GALNT13: variants seen among roughly 807,000 people sequenced by gnomAD.
GALNT13 encodes polypeptide N-acetylgalactosaminyltransferase 13, also known as UDP-GalNAc:polypeptide N-acetylgalactosaminyltransferase 13.
Under a neutral mutation model 64.2 loss-of-function variants are expected in GALNT13, and 28 were observed. The ratio of observed to expected loss-of-function variants is 0.44; its 90% CI spans 0.32 to 0.60. The LOEUF is 0.60. Ranked by LOEUF, GALNT13 falls within the 20% of genes least tolerant of loss-of-function variation. The probability of loss-of-function intolerance (pLI) is 0.05; values close to 1 mark genes in which losing one functional copy is unlikely to be tolerated. For missense variants in GALNT13, 577 were observed against 669.8 expected, an observed-to-expected ratio of 0.86 and a Z score of 1.53; for synonymous variants, 214 against 224.6, an observed-to-expected ratio of 0.95 and a Z score of 0.42.
the GALNT13 span, among the ~76,000 whole-genome samples, chr2:153,424,284 AAAG>A: frequency 6.6e-6 from 1 of 151,496 alleles, no homozygotes; most frequent in Non-Finnish European, 1.5e-5. Flanking sequence ...TAGGAGAAAA[AAAG>A]ATAATATTTA....
At chr2:153,239,880 T>C in the GALNT13 span, among the ~76,000 whole-genome samples, 1 of 152,170 alleles carries the variant, frequency 6.6e-6, no homozygotes, top group South Asian at 2.1e-4. Context: ...TCAGAATAGT[T>C]TGAGTAGTTT....
chr2:154,390,552 C>T (rs1698740691), intron 9 of GALNT13, among the ~76,000 whole-genome samples: 1 of 152,174 alleles, frequency 6.6e-6, no homozygotes, highest in Non-Finnish European at 1.5e-5. Flanking sequence ...CTGCAAAGGA[C>T]ATGATCTCGT....
intron 4 of GALNT13, among the ~76,000 whole-genome samples, chr2:154,168,990 C>T (rs1685196827): frequency 6.6e-6 from 1 of 151,942 alleles, no homozygotes; most frequent in Non-Finnish European, 1.5e-5. Context: ...GGGAGGGGAG[C>T]CAGTTTGTGC....
chr2:153,103,625 G>A, the GALNT13 span, among the ~76,000 whole-genome samples: 2 of 152,232 alleles, frequency 1.3e-5, no homozygotes, highest in African/African-American at 4.8e-5. Context: ...GGATGAGGGA[G>A]GTCTGTCCTT....
At chr2:153,763,033 A>G in the GALNT13 span, among the ~76,000 whole-genome samples, 1 of 151,820 alleles carries the variant, frequency 6.6e-6, no homozygotes, top group Admixed American at 6.6e-5. Context: ...CACTTTTATT[A>G]TACCCACATT....
chr2:153,322,445 C>T, the GALNT13 span, among the ~76,000 whole-genome samples: 11 of 151,836 alleles, frequency 7.2e-5, no homozygotes, highest in African/African-American at 2.4e-4. Flanking sequence ...ACATGTCTTT[C>T]GTTATTGTGA....
the GALNT13 span, among the ~76,000 whole-genome samples, chr2:153,659,891 G>A: frequency 6.6e-6 from 1 of 152,122 alleles, no homozygotes; most frequent in South Asian, 2.1e-4. Flanking sequence ...CAGCCCAGGA[G>A]ATAGTCTAAA....
chr2:154,378,391 G>A (rs1432376336), intron 9 of GALNT13, among the ~76,000 whole-genome samples: 1 of 152,100 alleles, frequency 6.6e-6, no homozygotes, highest in African/African-American at 2.4e-5. Flanking sequence ...TTAGGGAGAA[G>A]GACTCACTTC....
chr2:154,060,576 G>A (rs997682339), intron 3 of GALNT13, among the ~76,000 whole-genome samples: 3 of 152,056 alleles, frequency 2.0e-5, no homozygotes, highest in African/African-American at 4.8e-5. Flanking sequence ...GGCTGGTCTC[G>A]AACTCTTGAG....
chr2:153,533,953 G>T, the GALNT13 span, among the ~76,000 whole-genome samples: 1 of 150,718 alleles, frequency 6.6e-6, no homozygotes, highest in Non-Finnish European at 1.5e-5. Flanking sequence ...GCCCAGGCAG[G>T]TCTCGAACTC....
intron 9 of GALNT13, among the ~76,000 whole-genome samples, chr2:154,316,966 A>C (rs1476886721): frequency 6.6e-6 from 1 of 152,194 alleles, no homozygotes. Context: ...TAATCCCAGC[A>C]CTTTGGGAGG....
At chr2:154,080,926 T>C (rs755339066) in intron 3 of GALNT13, among the ~76,000 whole-genome samples, 2 of 151,464 alleles carry the variant, frequency 1.3e-5, no homozygotes, top group Non-Finnish European at 3.0e-5. Context: ...ACAGGAAATG[T>C]TTAGTTTTAA....
At chr2:153,758,622 T>A in the GALNT13 span, among the ~76,000 whole-genome samples, 8 of 152,192 alleles carry the variant, frequency 5.3e-5, no homozygotes, top group African/African-American at 1.9e-4. Flanking sequence ...AGACAGAGTC[T>A]CACTTTGTCA....
the GALNT13 span, among the ~76,000 whole-genome samples, chr2:153,568,699 G>T: frequency 6.6e-6 from 1 of 152,080 alleles, no homozygotes; most frequent in Non-Finnish European, 1.5e-5. Context: ...TCCAAAAGCT[G>T]AATACACCTG....
chr2:153,871,471 G>C (rs1029953357), upstream of GALNT13, among the ~76,000 whole-genome samples: 3 of 152,208 alleles, frequency 2.0e-5, no homozygotes, highest in Non-Finnish European at 4.4e-5. Flanking sequence ...GCAAGGGTGG[G>C]GTTGCCGGCG....
At chr2:153,527,879 T>C in the GALNT13 span, among the ~76,000 whole-genome samples, 9 of 152,090 alleles carry the variant, frequency 5.9e-5, no homozygotes, top group Non-Finnish European at 5.9e-5. Flanking sequence ...GTTTGTAAGA[T>C]AGTATTTGCA....
At chr2:153,117,746 A>T in the GALNT13 span, among the ~76,000 whole-genome samples, 1 of 152,036 alleles carries the variant, frequency 6.6e-6, no homozygotes, top group South Asian at 2.1e-4. Flanking sequence ...CTCACACTTC[A>T]CTTACCCTGT....
intron 4 of GALNT13, among the ~76,000 whole-genome samples, chr2:154,183,405 T>G (rs1211069172): frequency 1.3e-5 from 2 of 152,144 alleles, no homozygotes; most frequent in South Asian, 2.1e-4. Flanking sequence ...CTTTCTCTGT[T>G]GTTTAGTCTA....
the GALNT13 span, among the ~76,000 whole-genome samples, chr2:153,708,054 C>T: frequency 6.6e-6 from 1 of 152,030 alleles, no homozygotes; most frequent in Admixed American, 6.6e-5. Context: ...TTTCCATACC[C>T]CCTACCCACA....
Sources: gnomAD v4.1 joint callset for allele counts (sites outside exome capture counted in the v4.1 genomes callset) on GRCh38, gnomAD v4.1.1 for gene constraint, MANE v1.5 for transcripts, NCBI Gene and HGNC (gene_info 2026-07-23, HGNC 2026-07-21) for gene names.